The following DPYD variants were observed in gnomAD, a reference collection of about 807,000 sequenced individuals.
DPYD encodes dihydropyrimidine dehydrogenase [NADP(+)].
A neutral mutation model predicts 116.2 loss-of-function variants in DPYD; 109 were observed. That is an observed-to-expected ratio of 0.94 (90% CI 0.80 to 1.10). DPYD has a LOEUF of 1.10. Ranked by LOEUF, DPYD falls within the 50% of genes least tolerant of loss-of-function variation. The probability of loss-of-function intolerance (pLI) is 0.00; values close to 1 mark genes in which losing one functional copy is unlikely to be tolerated. For synonymous variants in DPYD, 440 were observed against 432.0 expected (o/e 1.02, Z -0.23); for missense variants, 1,302 against 1,254.5 (o/e 1.04, Z -0.57).
chr1:97,349,960 T>A (rs1231741348), intron 16 of DPYD, among the ~76,000 whole-genome samples: 246 of 80,024 alleles, frequency 3.1e-3, no homozygotes, highest in Middle Eastern at 9.8e-3. Context: ...AAAAAAAAAA[T>A]GCTGCAGATT....
intron 16 of DPYD, among the ~76,000 whole-genome samples, chr1:97,352,920 G>T (rs942717762): frequency 6.6e-6 from 1 of 152,074 alleles, no homozygotes; most frequent in Non-Finnish European, 1.5e-5. Flanking sequence ...GGCAAACGAC[G>T]CATGACAGAA....
chr1:97,840,872 TA>T (rs1411270990), intron 2 of DPYD, among the ~76,000 whole-genome samples: 8 of 152,112 alleles, frequency 5.3e-5, no homozygotes, highest in Non-Finnish European at 7.4e-5. Context: ...TTTCCAAAAT[TA>T]TAACTTTTAG....
At chr1:97,765,183 T>C (rs1665782446) in intron 3 of DPYD, among the ~76,000 whole-genome samples, 1 of 152,236 alleles carries the variant, frequency 6.6e-6, no homozygotes, top group Non-Finnish European at 1.5e-5. Flanking sequence ...TCTTGAGTTT[T>C]ACTTTTAGTT....
At chr1:97,165,115 A>G (rs1373751279) in intron 20 of DPYD, among the ~76,000 whole-genome samples, 2 of 152,282 alleles carry the variant, frequency 1.3e-5, no homozygotes, top group South Asian at 4.1e-4. Context: ...GAGCCCAATT[A>G]GCCAAGGCAA....
intron 3 of DPYD, among the ~76,000 whole-genome samples, chr1:97,772,144 A>G (rs1227574305): frequency 6.6e-6 from 1 of 152,136 alleles, no homozygotes; most frequent in Admixed American, 6.5e-5. Context: ...TGACTTCCTC[A>G]TTCTCATCAG....
intron 8 of DPYD, among the ~76,000 whole-genome samples, chr1:97,668,530 C>A (rs753862552): frequency 6.6e-6 from 1 of 151,944 alleles, no homozygotes; most frequent in Non-Finnish European, 1.5e-5. Context: ...TATATAATAA[C>A]CTCTTTAATT....
intron 2 of DPYD, among the ~76,000 whole-genome samples, chr1:97,849,217 C>A (rs1388083985): frequency 6.6e-6 from 1 of 151,968 alleles, no homozygotes; most frequent in African/African-American, 2.4e-5. Flanking sequence ...GGAATATACA[C>A]TACAATCTCA....
intron 19 of DPYD, among the ~76,000 whole-genome samples, chr1:97,221,023 A>C (rs1010914448): frequency 5.9e-5 from 9 of 152,182 alleles, no homozygotes; most frequent in African/African-American, 2.2e-4. Flanking sequence ...TAGAAATCTC[A>C]AAGTTTTCTT....
chr1:97,883,834 CAAA>C, intron 1 of DPYD: 1 of 377,716 alleles, frequency 2.6e-6, no homozygotes, highest in South Asian at 2.2e-5. Flanking sequence ...TTAGGAATCA[CAAA>C]AAAAAAAAGA....
chr1:97,470,721 G>C (rs544847190), intron 13 of DPYD, among the ~76,000 whole-genome samples: 55 of 152,326 alleles, frequency 3.6e-4, no homozygotes, highest in African/African-American at 1.3e-3. Flanking sequence ...ACTAGGGCCA[G>C]GCACAGTGGC....
chr1:97,776,873 A>G (rs1666436468), intron 3 of DPYD, among the ~76,000 whole-genome samples: 1 of 152,136 alleles, frequency 6.6e-6, no homozygotes, highest in Admixed American at 6.6e-5. Flanking sequence ...TTTCTTTAGG[A>G]CTTTATTAAT....
chr1:97,786,019 T>A (rs1313616046), intron 3 of DPYD, among the ~76,000 whole-genome samples: 1 of 151,144 alleles, frequency 6.6e-6, no homozygotes, highest in East Asian at 1.9e-4. Flanking sequence ...ACTGCAATGA[T>A]ATCTTCCCAA....
intron 8 of DPYD, among the ~76,000 whole-genome samples, chr1:97,675,535 A>G (rs1037324044): frequency 1.3e-5 from 2 of 152,174 alleles, no homozygotes; most frequent in Non-Finnish European, 2.9e-5. Flanking sequence ...AAAATGAGAG[A>G]CTTTTCATGA....
chr1:97,716,621 C>T (rs1248544317), intron 5 of DPYD, among the ~76,000 whole-genome samples: 2 of 152,062 alleles, frequency 1.3e-5, no homozygotes, highest in African/African-American at 2.4e-5. Context: ...CCCTAGATCC[C>T]TCCATCACCA....
intron 18 of DPYD, among the ~76,000 whole-genome samples, chr1:97,274,222 T>A (rs1313995112): frequency 6.6e-6 from 1 of 152,162 alleles, no homozygotes; most frequent in Non-Finnish European, 1.5e-5. Flanking sequence ...CAGGTTGAAA[T>A]GTAATCCCCG....
At chr1:97,538,723 T>G (rs148274651) in intron 12 of DPYD, among the ~76,000 whole-genome samples, 1 of 152,196 alleles carries the variant, frequency 6.6e-6, no homozygotes. Flanking sequence ...TAAGCTACCA[T>G]TAAGCTGAAA....
intron 16 of DPYD, among the ~76,000 whole-genome samples, chr1:97,357,184 A>C (rs1036707952): frequency 2.0e-5 from 3 of 152,130 alleles, no homozygotes; most frequent in African/African-American, 7.2e-5. Context: ...ATCTTTTTCA[A>C]TTGCTTTCAT....
At chr1:97,629,818 A>C (rs1290389867) in intron 8 of DPYD, among the ~76,000 whole-genome samples, 1 of 152,114 alleles carries the variant, frequency 6.6e-6, no homozygotes, top group African/African-American at 2.4e-5. Context: ...AATCATTTTA[A>C]TTTTATTCAC....
intron 20 of DPYD, among the ~76,000 whole-genome samples, chr1:97,130,931 C>CTCTCTCTA (rs923159616): frequency 1.5e-5 from 2 of 136,800 alleles, no homozygotes; most frequent in African/African-American, 5.7e-5. Context: ...CTTTCTCTCT[C>CTCTCTCTA]TCTATCTATC....
Sources: allele counts gnomAD v4.1 joint callset (sites outside exome capture counted in the v4.1 genomes callset), GRCh38; gene constraint gnomAD v4.1.1; transcripts MANE v1.5; gene names NCBI Gene and HGNC (gene_info 2026-07-23, HGNC 2026-07-21).